The following LDLRAD4 variants were observed in gnomAD, a reference collection of about 807,000 sequenced individuals.
LDLRAD4 encodes low-density lipoprotein receptor class A domain-containing protein 4.
LDLRAD4 carries 5 observed loss-of-function variants against 17.0 expected under a neutral mutation model. The ratio of observed to expected loss-of-function variants is 0.29; its 90% confidence interval spans 0.15 to 0.62. The LOEUF (loss-of-function observed/expected upper bound fraction) is 0.62, where lower values mean the gene tolerates loss of function less well. Among genes scored for constraint, LDLRAD4 ranks in the 20% least tolerant of loss-of-function variants. LDLRAD4 has a pLI of 0.84. For synonymous variants in LDLRAD4, 168 were observed against 171.8 expected (o/e 0.98, Z 0.17); for missense variants, 340 against 424.7 (o/e 0.80, Z 1.75).
chr18:13,544,025 T>C (rs2147981272), intron 3 of LDLRAD4, among the ~76,000 whole-genome samples: 1 of 152,372 alleles, frequency 6.6e-6, no homozygotes, highest in African/African-American at 2.4e-5. Flanking sequence ...TGCACATGCA[T>C]GCACACAGTG....
chr18:13,524,819 C>T (rs902006286), intron 3 of LDLRAD4, among the ~76,000 whole-genome samples: 2 of 152,204 alleles, frequency 1.3e-5, no homozygotes, highest in Admixed American at 6.5e-5. Flanking sequence ...ACTAAGCCTA[C>T]GATTTTATCC....
In LDLRAD4 at chr18:13,286,226, A is replaced by G. The variant is rs182299667; in HGVS notation, c.-383+8038A>G. On this transcript the variant is annotated intron_variant, in intron 1 of 5. Transcript: ENST00000359446. ...TGTCTAGTGTATTTCACTTAGCATA[A>G]AGTCTTCAGGGTTCACACACATTGG... Among the ~76,000 whole-genome samples the G allele has an allele frequency of 9.9e-4, 151 of 152,332 alleles. 1 individual carries two copies. Among genetic ancestry groups the G allele is most frequent in the African/African-American group, 3.5e-3 (144 of 41,574 alleles).
At chr18:13,290,701 G>C (rs2045916531) in intron 1 of LDLRAD4, among the ~76,000 whole-genome samples, 1 of 152,220 alleles carries the variant, frequency 6.6e-6, no homozygotes, top group South Asian at 2.1e-4. Context: ...GATTTAGTGA[G>C]ATATAAAACT....
At chr18:13,381,207 A>G (rs540817944) in intron 1 of LDLRAD4, among the ~76,000 whole-genome samples, 108 of 150,312 alleles carry the variant, frequency 7.2e-4, no homozygotes, top group African/African-American at 2.5e-3. Context: ...CCTCCCCAGT[A>G]TAGGTGTGCA....
rs79125762 is a variant in LDLRAD4 at position 13,266,169 on chromosome 18, G to T, written c.-466-11936G>T. Among the ~76,000 whole-genome samples, 253 of 152,228 alleles carry T rather than the reference G, an allele frequency of 1.7e-3. 3 individuals are homozygous for T. The East Asian group carries it at 0.039, about 24-fold the overall frequency. Reference sequence around the variant, plus strand: ...GTAGTTTGGACAGTGAGTAGCACTCGCCCAGACCTTAAAAACAAAGGCTTT... The same window carrying T: ...GTAGTTTGGACAGTGAGTAGCACTCTCCCAGACCTTAAAAACAAAGGCTTT... On this transcript the variant is annotated intron_variant, in intron 1 of 5. Coordinates refer to the LDLRAD4 transcript ENST00000399848.
intron 3 of LDLRAD4, among the ~76,000 whole-genome samples, chr18:13,565,924 T>A (rs965506436): frequency 4.5e-4 from 68 of 152,244 alleles, no homozygotes; most frequent in Admixed American, 4.4e-3. Flanking sequence ...ACTGTGACGA[T>A]GATGTCCCAT....
At chr18:13,328,071 C>T (rs1028295238) in intron 1 of LDLRAD4, among the ~76,000 whole-genome samples, 8 of 152,176 alleles carry the variant, frequency 5.3e-5, no homozygotes, top group African/African-American at 1.9e-4. Context: ...GCTCCATACT[C>T]ATTTCAGCAA....
At chr18:13,405,856 G>A (rs1332547493) in intron 2 of LDLRAD4, among the ~76,000 whole-genome samples, 1 of 152,154 alleles carries the variant, frequency 6.6e-6, no homozygotes, top group East Asian at 1.9e-4. Context: ...CCACAGAGGT[G>A]TGGGTGAGCA....
At chr18:13,454,751 A>ACCTGTGG (rs57268530) in intron 3 of LDLRAD4, among the ~76,000 whole-genome samples, 45,556 of 152,118 alleles carry the variant, frequency 0.3, 7,090 homozygotes, top group East Asian at 0.55. Context: ...CCTGGTCCAG[A>ACCTGTGG]AGGTGCTGGA....
At chr18:13,463,190 C>G (rs1023415941) in intron 3 of LDLRAD4, among the ~76,000 whole-genome samples, 9 of 152,134 alleles carry the variant, frequency 5.9e-5, no homozygotes, top group Admixed American at 3.9e-4. Flanking sequence ...GTGGCCATGT[C>G]CCCCCTGGAC....
At chr18:13,337,086 G>A (rs1453134087) in intron 1 of LDLRAD4, among the ~76,000 whole-genome samples, 2 of 152,142 alleles carry the variant, frequency 1.3e-5, no homozygotes, top group Non-Finnish European at 2.9e-5. Flanking sequence ...ACAACCCAGA[G>A]CCTCTCTCCA....
chr18:13,461,847 C>CGGCT (rs1183551840), intron 3 of LDLRAD4, among the ~76,000 whole-genome samples: 2 of 152,192 alleles, frequency 1.3e-5, no homozygotes, highest in Non-Finnish European at 2.9e-5. Flanking sequence ...GGCCCCTGAC[C>CGGCT]AGCCTGATTG....
chr18:13,486,960 C>T (rs1046891592), intron 3 of LDLRAD4: 1 of 152,216 alleles, frequency 6.6e-6, no homozygotes, highest in East Asian at 1.9e-4. Context: ...CGCACCCCAA[C>T]GCTTGCTGTC....
intron 2 of LDLRAD4, among the ~76,000 whole-genome samples, chr18:13,412,840 C>G (rs941284431): frequency 6.6e-6 from 1 of 152,212 alleles, no homozygotes; most frequent in Non-Finnish European, 1.5e-5. Context: ...CCAATTTGTA[C>G]ATGATCTTAT....
Position 13,645,333 on chromosome 18 carries a change from A to G in LDLRAD4, c.597A>G (p.Glu199=). 6.2e-7 allele frequency: 1 copy of G among 1,614,160 alleles called. No individual in the cohort carries two copies. The highest frequency in any genetic ancestry group is 8.5e-7 in the Non-Finnish European group (1 of 1,180,020). ...TCCGGGACCCTGAACAGCAGATGGA[A>G]CTCAACCGAGAGTCCGTGAGGGCCC... Residue 199 remains glutamate, a synonymous_variant, in exon 6 of 6, where the codon GAA becomes GAG. Coordinates refer to ENST00000359446, the Ensembl canonical transcript of LDLRAD4. The surrounding 1 kb of genome is among the most constrained non-coding windows in gnomAD (Gnocchi z 5.7).
chr18:13,350,083 G>A (rs1010214127), intron 1 of LDLRAD4, among the ~76,000 whole-genome samples: 1 of 152,120 alleles, frequency 6.6e-6, no homozygotes. Context: ...AAATAGTGCT[G>A]CAATAAATAT....
chr18:13,560,709 G>T (rs1404108256), intron 3 of LDLRAD4, among the ~76,000 whole-genome samples: 1 of 152,226 alleles, frequency 6.6e-6, no homozygotes, highest in Non-Finnish European at 1.5e-5. Context: ...CTGAGCTCAA[G>T]CTTCCCTTTT....
chr18:13,329,536 C>T (rs141120263), intron 1 of LDLRAD4, among the ~76,000 whole-genome samples: 29 of 152,198 alleles, frequency 1.9e-4, no homozygotes, highest in Admixed American at 2.0e-4. Context: ...ATCTATCAGT[C>T]TTTCCTTTTG....
At chr18:13,347,556 T>C (rs2082765728) in intron 1 of LDLRAD4, among the ~76,000 whole-genome samples, 1 of 152,164 alleles carries the variant, frequency 6.6e-6, no homozygotes, top group Non-Finnish European at 1.5e-5. Context: ...TGTCTTGGAG[T>C]TGCTCTTCTC....
Sources: gnomAD v4.1 joint callset for allele counts (sites outside exome capture counted in the v4.1 genomes callset) on GRCh38, gnomAD v4.1.1 for gene constraint, Gnocchi (gnomAD v3.1) non-coding constraint, MANE v1.5 for transcripts, NCBI Gene and HGNC (gene_info 2026-07-23, HGNC 2026-07-21) for gene names.